NAA16: variants seen among roughly 807,000 people sequenced by gnomAD.
The protein encoded by NAA16 is NARG1-like protein.
In NAA16, 97 loss-of-function variants were observed where a neutral mutation model predicts 110.3. The observed-to-expected ratio is 0.88, with a 90% CI of 0.75 to 1.04. The LOEUF is 1.04. NAA16 is among the 50% of genes least tolerant of loss of function. NAA16 has a pLI of 0.00. For missense variants in NAA16, 1,017 were observed against 1,005.1 expected (o/e 1.01, Z -0.16); for synonymous variants, 372 against 330.6 (o/e 1.13, Z -1.36).
intron 9 of NAA16, among the ~76,000 whole-genome samples, chr13:41,342,387 C>T (rs945501985): frequency 6.6e-6 from 1 of 152,196 alleles, no homozygotes; most frequent in African/African-American, 2.4e-5. Flanking sequence ...ATCCGCCATC[C>T]TTGGCCTCCC....
chr13:41,311,416 A>G lies in NAA16; in HGVS notation c.-113A>G. On this transcript the variant is annotated 5_prime_UTR_variant, in exon 1 of 20. Coordinates refer to ENST00000379406, the MANE Select transcript of NAA16 (RefSeq NM_024561.5). The stretch of plus-strand genomic sequence containing the variant: ...CAACTGTAGACCAATGAACTAATCC[A>G]TCGCCCGCAGCCCGACTCTCAGCAG... The G allele has an allele frequency of 9.6e-7, 1 of 1,036,666 alleles. No individual in the cohort carries two copies. Among genetic ancestry groups the G allele is most frequent in the Non-Finnish European group, 1.4e-6 (1 of 697,972 alleles). 64.2% of individuals were successfully genotyped at this position (1,036,666 alleles called of 1,614,324 possible). A position where few individuals can be genotyped will look rare whatever the true frequency, so the allele number is the denominator to read the frequency against.
intron 17 of NAA16, chr13:41,373,120 T>C (rs1311184155): frequency 2.1e-6 from 2 of 948,530 alleles, no homozygotes; most frequent in Admixed American, 6.2e-5. Flanking sequence ...TGAACGTGTC[T>C]ATAAAATAAA....
chr13:41,339,725 A>G lies in NAA16; in HGVS notation c.1014+2969A>G, dbSNP rs1409524468. On this transcript the variant is annotated intron_variant, in intron 9 of 19. Coordinates refer to ENST00000379406, the MANE Select transcript of NAA16 (RefSeq NM_024561.5). The stretch of plus-strand genomic sequence containing the variant: ...AGGTGCCTGTCACCATGCCCAGCTA[A>G]TTTTTTGTATTTTTAGTAGAGACAG... 2.0e-5 allele frequency among the ~76,000 whole-genome samples: 3 copies of G among 151,912 alleles called. No individual in the cohort carries two copies. The East Asian group carries it at 5.8e-4, about 29-fold the overall frequency.
In NAA16 at chr13:41,311,461, C is replaced by A; in HGVS notation, c.-68C>A. The A allele has an allele frequency of 6.7e-7, 1 of 1,482,096 alleles. No individual in the cohort carries two copies. The highest frequency in any genetic ancestry group is 9.2e-7 in the Non-Finnish European group (1 of 1,085,014). The allele number at this position is 1,482,096 out of a possible 1,614,324, so 91.8% of individuals were successfully genotyped here. On this transcript the variant is annotated 5_prime_UTR_variant, in exon 1 of 20. Coordinates refer to ENST00000379406, the MANE Select transcript of NAA16 (RefSeq NM_024561.5). ...CAGCAGCGGTTCGTCCCGGTGCCCA[C>A]CCCCGCGAAGCGGAGCGCCCGGGCA...
At chr13:41,324,462 G>A (rs1191050960) in intron 5 of NAA16, among the ~76,000 whole-genome samples, 1 of 125,890 alleles carries the variant, frequency 7.9e-6, no homozygotes, top group African/African-American at 3.0e-5. Context: ...TGCAACCTCC[G>A]CCTACCAGGT....
At chr13:41,357,390 G>T (rs541954089) in intron 10 of NAA16, among the ~76,000 whole-genome samples, 1 of 150,280 alleles carries the variant, frequency 6.7e-6, no homozygotes, top group African/African-American at 2.4e-5. Flanking sequence ...TTCTGCATTC[G>T]TTAGCTGGAA....
At chr13:41,321,513 G>A (rs2041946367) in intron 4 of NAA16, among the ~76,000 whole-genome samples, 2 of 152,120 alleles carry the variant, frequency 1.3e-5, no homozygotes, top group South Asian at 4.1e-4. Context: ...TGCAGCTGCT[G>A]TACTAGATTA....
At chr13:41,341,901 TGCTCACTGCAA>T (rs1332140746) in intron 9 of NAA16, among the ~76,000 whole-genome samples, 1 of 148,982 alleles carries the variant, frequency 6.7e-6, no homozygotes, top group African/African-American at 2.5e-5. Flanking sequence ...GCGCAATCTC[TGCTCACTGCAA>T]GCTCCACCTC....
intron 14 of NAA16, among the ~76,000 whole-genome samples, chr13:41,368,661 A>G (rs2043254293): frequency 6.6e-6 from 1 of 152,238 alleles, no homozygotes; most frequent in Non-Finnish European, 1.5e-5. Context: ...CAAATCATAA[A>G]TATGTTTTTT....
intron 10 of NAA16, among the ~76,000 whole-genome samples, chr13:41,357,460 A>G (rs997492789): frequency 6.6e-6 from 1 of 152,242 alleles, no homozygotes; most frequent in African/African-American, 2.4e-5. Flanking sequence ...TATAGTTTAT[A>G]TAAGAGGAAC....
intron 8 of NAA16, 91 bp downstream of exon 8, chr13:41,331,460 T>G: frequency 1.1e-6 from 1 of 918,746 alleles, no homozygotes; most frequent in African/African-American, 1.7e-5. Context: ...GGTATAGAGT[T>G]TATGTTTACA....
At position 41,369,216 on chromosome 13, in the gene NAA16, AAAG is replaced by A. The variant is rs1566301311; in HGVS notation, c.1882_1884del (p.Arg628del). 2 of 1,597,958 alleles carry A rather than the reference AAAG, an allele frequency of 1.3e-6. No homozygotes were observed. Among genetic ancestry groups the A allele is most frequent in the African/African-American group, 1.4e-5 (1 of 73,744 alleles). ...CGTCAACAGAAAAATCAAAAGAAAA[AAAG>A]AGATGAAGAAGAAGAAGAAGCCAGT... is the stretch of plus-strand genomic sequence containing the variant. On this transcript the variant is annotated inframe_deletion, in exon 15 of 20. Coordinates refer to ENST00000379406, the MANE Select transcript of NAA16 (RefSeq NM_024561.5).
intron 12 of NAA16, among the ~76,000 whole-genome samples, chr13:41,360,029 T>G (rs1247755824): frequency 2.0e-5 from 3 of 152,190 alleles, no homozygotes; most frequent in Non-Finnish European, 4.4e-5. Flanking sequence ...AGCACTAGGT[T>G]CAAAGTCTTC....
At chr13:41,339,651 G>A (rs1302277440) in intron 9 of NAA16, among the ~76,000 whole-genome samples, 2 of 151,932 alleles carry the variant, frequency 1.3e-5, no homozygotes, top group Non-Finnish European at 2.9e-5. Context: ...TCCGCCTTCC[G>A]GGTTCAAACG....
Position 41,331,282 on chromosome 13 carries a change from G to C in NAA16, c.820G>C (p.Glu274Gln). The change falls in exon 8 of 20, where the codon GAA becomes CAA. Residue 274 changes from glutamate to glutamine, a missense_variant. Glu to Gln is a conservative substitution (Grantham distance 29, BLOSUM62 2). Coordinates refer to ENST00000379406, the MANE Select transcript of NAA16 (RefSeq NM_024561.5). ...LEKALQISTL[E>Q]ERLQIYEEIS... ...ATATTTACTGATAATAGGCACTTTA[G>C]AAGAGAGGCTTCAAATTTATGAAGA... 1 of 1,606,960 alleles carries C rather than the reference G, an allele frequency of 6.2e-7. No homozygotes were observed. Among genetic ancestry groups the C allele is most frequent in the Non-Finnish European group, 8.5e-7 (1 of 1,175,132 alleles).
At chr13:41,332,977 G>C (rs754451925) in intron 8 of NAA16, among the ~76,000 whole-genome samples, 1 of 152,032 alleles carries the variant, frequency 6.6e-6, no homozygotes, top group Non-Finnish European at 1.5e-5. Flanking sequence ...TTTCTCTAAT[G>C]TTTTCCAGGG....
intron 15 of NAA16, among the ~76,000 whole-genome samples, chr13:41,370,981 G>T (rs2043304913): frequency 6.6e-6 from 1 of 152,182 alleles, no homozygotes; most frequent in Non-Finnish European, 1.5e-5. Flanking sequence ...CTGGTGTCCA[G>T]ATGTTGTGTA....
chr13:41,325,927 T>G (rs2042082609), intron 6 of NAA16, 76 bp downstream of exon 6: 2 of 1,213,286 alleles, frequency 1.6e-6, no homozygotes, highest in Admixed American at 5.2e-5. Flanking sequence ...CTCCTAAGTC[T>G]TACGTAACAG....
intron 5 of NAA16, 143 bp from the exon 6 acceptor site, chr13:41,325,555 A>G: frequency 2.4e-6 from 1 of 419,836 alleles, no homozygotes; most frequent in Non-Finnish European, 4.3e-6. Flanking sequence ...TTTTTGTGTT[A>G]TTAATCACTC....
Sources: allele counts gnomAD v4.1 joint callset (sites outside exome capture counted in the v4.1 genomes callset), GRCh38; gene constraint gnomAD v4.1.1; transcripts MANE v1.5; gene names NCBI Gene and HGNC (gene_info 2026-07-23, HGNC 2026-07-21).